DOT1L: variants seen among roughly 807,000 people sequenced by gnomAD.
DOT1L encodes histone-lysine N-methyltransferase, H3 lysine-79 specific.
DOT1L carries 33 observed loss-of-function variants against 153.3 expected under a neutral mutation model. The ratio of observed to expected loss-of-function variants is 0.22; its 90% CI spans 0.16 to 0.29. DOT1L has a LOEUF of 0.29. DOT1L is among the 10% of genes least tolerant of loss of function. The pLI is 1.00. For synonymous variants in DOT1L, 1,135 were observed against 965.1 expected (o/e 1.18, Z -3.26); for missense variants, 1,847 against 2,119.9 (o/e 0.87, Z 2.53).
chr19:2,185,146 T>A (rs1568335600), intron 2 of DOT1L, among the ~76,000 whole-genome samples: 1 of 152,150 alleles, frequency 6.6e-6, no homozygotes, highest in Non-Finnish European at 1.5e-5. Context: ...CCTCGTGATC[T>A]GCCCACCTCG....
At position 2,217,976 on chromosome 19, in the gene DOT1L, G is replaced by T. The variant is rs1264348748; in HGVS notation, c.2691+58G>T. On this transcript the variant is annotated intron_variant, in intron 22 of 27. Coordinates refer to ENST00000398665, the MANE Select transcript of DOT1L (RefSeq NM_032482.3). This position sits in a 1 kb window ranked among gnomAD's most constrained non-coding sequence, Gnocchi z 7.3. Reference sequence around the variant, plus strand: ...CCACGTTGAGGCAAAACAGTCTGGGGTGCTCGAGACCTGGCTCACTTTGCG... The same window carrying T: ...CCACGTTGAGGCAAAACAGTCTGGGTTGCTCGAGACCTGGCTCACTTTGCG... 6.3e-7 allele frequency: 1 copy of T among 1,578,522 alleles called. No individual in the cohort carries two copies. The highest frequency in any genetic ancestry group is 8.6e-7 in the Non-Finnish European group (1 of 1,164,140).
chr19:2,213,456 A>G, intron 16 of DOT1L, 83 bp from the exon 17 acceptor site: 4 of 1,390,546 alleles, frequency 2.9e-6, no homozygotes, highest in East Asian at 2.3e-5. Context: ...TTCAGGAAGC[A>G]TGAGAGGCAG....
rs376487667 is a variant in DOT1L at position 2,226,317 on chromosome 19, G to A, written c.3796G>A (p.Ala1266Thr). ...GGACAGCCCGCTGCAGGCCAGCTCC[G>A]CCCTCAGCCAGAACTCCCTGTTCAC... Reference protein sequence around the residue: ...SADSPLQASSALSQNSLFTFR... With the variant: ...SADSPLQASSTLSQNSLFTFR... Residue 1266 changes from alanine to threonine, a missense_variant, in exon 27 of 28, where the codon GCC becomes ACC. Physicochemically the swap from Ala to Thr is moderately conservative, Grantham distance 58. Around this residue, in one of 8 missense-constraint regions of DOT1L, gnomAD observed 934 missense variants for 825.3 expected, o/e 1.13. Transcript: ENST00000398665. 1.0e-5 allele frequency: 16 copies of A among 1,597,452 alleles called. No homozygotes were observed. Among genetic ancestry groups the A allele is most frequent in the Admixed American group, 3.4e-5 (2 of 58,408 alleles).
At chr19:2,227,836 C>T (rs1044188606) in intron 27 of DOT1L, 11 of 1,291,196 alleles carry the variant, frequency 8.5e-6, no homozygotes, top group East Asian at 5.8e-5. Flanking sequence ...GGCCCGAGCC[C>T]GCTGCAGGCG....
chr19:2,205,873 A>G (rs1159731192), intron 9 of DOT1L, among the ~76,000 whole-genome samples: 1 of 147,020 alleles, frequency 6.8e-6, no homozygotes, highest in Non-Finnish European at 1.5e-5. Context: ...TTTTATTTTA[A>G]TTTTTTGTAG....
chr19:2,209,192 T>TTCCTC (rs890255021), intron 12 of DOT1L, among the ~76,000 whole-genome samples: 9 of 151,966 alleles, frequency 5.9e-5, no homozygotes, highest in African/African-American at 1.9e-4. Flanking sequence ...CCTCCCCCTC[T>TTCCTC]TCCTCTCCTC....
chr19:2,170,701 C>G (rs1348131875), intron 1 of DOT1L, among the ~76,000 whole-genome samples: 4 of 152,180 alleles, frequency 2.6e-5, no homozygotes, highest in Non-Finnish European at 5.9e-5. Flanking sequence ...TCCCGTCACC[C>G]TTACCTCGGC....
In DOT1L at chr19:2,210,773, G is replaced by A. The variant is rs955379692; in HGVS notation, c.1269G>A (p.Glu423=). The change falls in exon 14 of 28, where the codon GAG becomes GAA. Residue 423 remains glutamate (E), a synonymous_variant. Coordinates refer to ENST00000398665, the MANE Select transcript of DOT1L (RefSeq NM_032482.3). ...RPKKMNTANP[E]RKPKKNQTAL... is the part of the protein sequence containing the mutation. ...AGAAGATGAACACTGCGAACCCCGA[G>A]CGGAAGCCCAAGAAGAACCAAACTG... 6.8e-6 allele frequency: 11 copies of A among 1,612,982 alleles called. No homozygotes were observed. The African/African-American group carries it at 1.2e-4, about 18-fold the overall frequency.
At position 2,223,332 on chromosome 19, in the gene DOT1L, A is replaced by T. The variant is rs767505976; in HGVS notation, c.3442A>T (p.Thr1148Ser). 1 of 1,612,790 alleles carries T rather than the reference A, an allele frequency of 6.2e-7. No homozygotes were observed. The highest frequency in any genetic ancestry group is 1.7e-5 in the Admixed American group (1 of 59,910). ...LEITAISSPE[T>S]SLKSSPVPYQ... ...GATTACAGCCATCTCGTCCCCGGAG[A>T]CCTCCCTGAAGAGCTCCCCTGTGCC... Residue 1148 changes from threonine to serine, a missense_variant, in exon 25 of 28, where the codon ACC (threonine) becomes TCC (serine). Around this residue, in one of 8 missense-constraint regions of DOT1L, gnomAD observed 934 missense variants for 825.3 expected, o/e 1.13. Transcript: ENST00000398665.
At chr19:2,219,246 G>A (rs373416788) in intron 22 of DOT1L, among the ~76,000 whole-genome samples, 6 of 152,116 alleles carry the variant, frequency 3.9e-5, no homozygotes, top group African/African-American at 9.7e-5. Context: ...GGCCTCAGTC[G>A]ACCCACCCGC....
At chr19:2,210,379 C>T in intron 12 of DOT1L, 21 bp from the exon 13 acceptor site, 1 of 1,505,040 alleles carries the variant, frequency 6.6e-7, no homozygotes, top group Non-Finnish European at 8.9e-7. Flanking sequence ...CTTCCTGTGG[C>T]TCAACCTGCT....
chr19:2,222,202 G>A lies in DOT1L; in HGVS notation c.3033G>A (p.Arg1011=), dbSNP rs745512015. The A allele has an allele frequency of 1.2e-6, 2 of 1,613,088 alleles. No homozygotes were observed. The highest frequency in any genetic ancestry group is 1.7e-6 in the Non-Finnish European group (2 of 1,179,850). ...SPAHQLSSSP[R]LGGAAQGPLP... ...CCCACCAGCTCTCCTCCAGTCCCCG[G>A]CTTGGTGGGGCCGCCCAGGGCCCGT... The change falls in exon 24 of 28, where the codon CGG becomes CGA. Residue 1011 remains arginine, a synonymous_variant. Transcript: ENST00000398665. This position sits in a 1 kb window ranked among gnomAD's most constrained non-coding sequence, Gnocchi z 6.5.
rs1461163750 is a variant in DOT1L, at chr19:2,202,602, C to A, written c.708-98C>A. 8.0e-6 allele frequency: 10 copies of A among 1,242,290 alleles called. No homozygotes were observed. In the African/African-American group the frequency reaches 1.2e-4, roughly 15 times the overall value. 77.0% of individuals were successfully genotyped at this position (1,242,290 alleles called of 1,614,324 possible). On this transcript the variant is annotated intron_variant, in intron 8 of 27. Coordinates refer to ENST00000398665, the MANE Select transcript of DOT1L (RefSeq NM_032482.3). ...CCTGGAGGTGGCGGGCGGGTGTGGG[C>A]AGGGCCTAGCACCGACAGCAGCGGT...
chr19:2,193,634 C>A lies in DOT1L; in HGVS notation c.494-55C>A. ...CCTCTGTCTCCGAGCCTAGCACGGC[C>A]TCCCGGGTGGCATCTGAGCGCTGTG... is the stretch of plus-strand genomic sequence containing the variant. On this transcript the variant is annotated intron_variant, in intron 5 of 27. Coordinates refer to ENST00000398665, the MANE Select transcript of DOT1L (RefSeq NM_032482.3). This position sits in a 1 kb window ranked among gnomAD's most constrained non-coding sequence, Gnocchi z 5.9. The A allele has an allele frequency of 6.4e-7, 1 of 1,574,544 alleles. No individual in the cohort carries two copies. Among genetic ancestry groups the A allele is most frequent in the Non-Finnish European group, 8.7e-7 (1 of 1,147,630 alleles).
chr19:2,215,286 T>A (rs982647685), intron 19 of DOT1L, among the ~76,000 whole-genome samples: 10 of 151,938 alleles, frequency 6.6e-5, no homozygotes, highest in African/African-American at 2.2e-4. Flanking sequence ...TAGCTTGTAC[T>A]TTCTGACACC....
intron 23 of DOT1L, chr19:2,221,647 G>A (rs1398484930): frequency 5.3e-6 from 2 of 378,952 alleles, no homozygotes; most frequent in Non-Finnish European, 9.5e-6. Context: ...GAGATCACGG[G>A]GCCAGAGGGC....
rs368924199 is a variant in DOT1L, at chr19:2,216,469, G to C, written c.2112G>C (p.Leu704Phe). Residue 704 changes from leucine (L) to phenylalanine (F), a missense_variant, in exon 20 of 28, where the codon TTG becomes TTC. This residue lies in a region of DOT1L where 281 missense variants were observed against 263.6 expected (regional missense o/e 1.07). Transcript: ENST00000398665. The part of the protein sequence containing the change: ...LDCTKFSLPH[L>F]SSMSPELSMN... ...GCACCAAGTTCTCGCTGCCTCACTT[G>C]AGCAGCATGAGCCCGGAGCTCTCCA... The C allele has an allele frequency of 4.0e-5, 65 of 1,612,566 alleles. No individual in the cohort carries two copies. Among genetic ancestry groups the C allele is most frequent in the Non-Finnish European group, 5.4e-5 (64 of 1,179,956 alleles).
chr19:2,194,816 A>G (rs1035258145), intron 7 of DOT1L, among the ~76,000 whole-genome samples: 2 of 152,206 alleles, frequency 1.3e-5, no homozygotes, highest in Admixed American at 6.5e-5. Context: ...CCTCGGCAGC[A>G]TGCGGTGCAC....
At chr19:2,221,954 A>T in intron 23 of DOT1L, 22 bp from the exon 24 acceptor site, 1 of 1,573,632 alleles carries the variant, frequency 6.4e-7, no homozygotes, top group Non-Finnish European at 8.6e-7. Context: ...GTCCCCTGAG[A>T]CCCCCATGTC....
Sources: allele counts gnomAD v4.1 joint callset (sites outside exome capture counted in the v4.1 genomes callset), GRCh38; gene constraint gnomAD v4.1.1; regional missense constraint gnomAD v4.1.1; non-coding constraint Gnocchi (gnomAD v3.1); transcripts MANE v1.5; gene names NCBI Gene and HGNC (gene_info 2026-07-23, HGNC 2026-07-21).